Variants in SIPA1L2 observed in about 807,000 individuals in gnomAD.
The protein encoded by SIPA1L2 is signal induced proliferation associated 1 like 2.
Under a neutral mutation model 163.9 loss-of-function variants are expected in SIPA1L2, and 56 were observed. That is an observed-to-expected ratio of 0.34 (90% confidence interval 0.28 to 0.43). The LOEUF (loss-of-function observed/expected upper bound fraction) is 0.43. Among genes scored for constraint, SIPA1L2 ranks in the 20% least tolerant of loss-of-function variants. The pLI is 1.00. For missense variants in SIPA1L2, 1,974 were observed against 2,193.5 expected (o/e 0.90, Z 2.00); for synonymous variants, 877 against 865.7 (o/e 1.01, Z -0.23).
chr1:232,489,551 A>G (rs1430601252), intron 5 of SIPA1L2, among the ~76,000 whole-genome samples: 2 of 151,532 alleles, frequency 1.3e-5, no homozygotes, highest in Non-Finnish European at 2.9e-5. Flanking sequence ...AAGATTATTC[A>G]TTCTGAGTGT....
At chr1:232,629,825 A>T (rs889127215) in intron 1 of SIPA1L2, among the ~76,000 whole-genome samples, 44 bp downstream of exon 1, 4 of 151,580 alleles carry the variant, frequency 2.6e-5, no homozygotes, top group African/African-American at 9.7e-5. Flanking sequence ...AGGCATCCCG[A>T]ACCGACCCTC....
chr1:232,446,141 C>A (rs904246190), intron 10 of SIPA1L2, among the ~76,000 whole-genome samples: 5 of 152,152 alleles, frequency 3.3e-5, no homozygotes, highest in Non-Finnish European at 5.9e-5. Context: ...AGCAGCTGTT[C>A]CAAGACCCCC....
intron 2 of SIPA1L2, among the ~76,000 whole-genome samples, chr1:232,527,616 A>T (rs1006880838): frequency 2.0e-5 from 3 of 151,982 alleles, no homozygotes; most frequent in African/African-American, 7.2e-5. Context: ...AACACTAAAG[A>T]TCTTTACCTG....
Position 232,462,065 on chromosome 1 carries a change from T to C in SIPA1L2, c.2821-904A>G, listed in dbSNP as rs1253084504. The C allele has an allele frequency of 3.9e-6, 3 of 772,610 alleles. No individual in the cohort carries two copies. In the South Asian group the frequency reaches 4.6e-5, roughly 12 times the overall value. The allele number at this position is 772,610 out of a possible 1,614,324, so 47.9% of individuals were successfully genotyped here. ...CCCAAGCAATGGAAGCCTCAGTGTA[T>C]GTACCTTACTCAAGAGTGAGAGAGA... is the stretch of plus-strand genomic sequence containing the variant. On this transcript the variant is annotated intron_variant, in intron 9 of 22. Coordinates refer to ENST00000674635, the MANE Select transcript of SIPA1L2 (RefSeq NM_020808.5).
At chr1:232,523,824 G>C (rs78961128) in intron 2 of SIPA1L2, among the ~76,000 whole-genome samples, 1 of 151,942 alleles carries the variant, frequency 6.6e-6, no homozygotes. Flanking sequence ...TGTGCAAAGC[G>C]TGTCCCATCA....
At chr1:232,527,562 A>T (rs1027235363) in intron 2 of SIPA1L2, among the ~76,000 whole-genome samples, 1 of 152,150 alleles carries the variant, frequency 6.6e-6, no homozygotes, top group Admixed American at 6.5e-5. Flanking sequence ...TTAATTACAG[A>T]TGCCCACTAA....
At position 232,483,249 on chromosome 1, in the gene SIPA1L2, C is replaced by CTTTT. The variant is rs67543177; in HGVS notation, c.1981+539_1981+542dup. 2.1e-5 allele frequency among the ~76,000 whole-genome samples: 3 copies of CTTTT among 144,392 alleles called. No homozygotes were observed. The East Asian group carries it at 6.2e-4, about 30-fold the overall frequency. 94.7% of individuals were successfully genotyped at this position (144,392 alleles called of 152,430 possible). ...ATCCTTGAAAAATAAGATGCATCAG[C>CTTTT]TTTTTTTTTTTTTTAATTTTAGATC... On this transcript the variant is annotated intron_variant, in intron 6 of 22. Coordinates refer to ENST00000674635, the MANE Select transcript of SIPA1L2 (RefSeq NM_020808.5).
At chr1:232,484,249 G>A (rs1665531980) in intron 5 of SIPA1L2, among the ~76,000 whole-genome samples, 1 of 152,038 alleles carries the variant, frequency 6.6e-6, no homozygotes, top group Admixed American at 6.6e-5. Flanking sequence ...AGGATAGGAA[G>A]TCAAGGTTCA....
At chr1:232,529,501 G>T (rs1187440074) in intron 2 of SIPA1L2, among the ~76,000 whole-genome samples, 1 of 152,236 alleles carries the variant, frequency 6.6e-6, no homozygotes, top group Non-Finnish European at 1.5e-5. Flanking sequence ...GCCAGTAAAA[G>T]CTTCCAGGTA....
chr1:232,594,201 C>T (rs1409378832), intron 1 of SIPA1L2, among the ~76,000 whole-genome samples: 1 of 152,142 alleles, frequency 6.6e-6, no homozygotes, highest in African/African-American at 2.4e-5. Flanking sequence ...CTACTGATTC[C>T]ATGGAACTGA....
intron 15 of SIPA1L2, among the ~76,000 whole-genome samples, chr1:232,435,736 GA>G (rs901602339): frequency 1.3e-5 from 2 of 151,972 alleles, no homozygotes; most frequent in African/African-American, 4.8e-5. Context: ...CTCGAAGAAA[GA>G]AAAAAAATGT....
intron 12 of SIPA1L2, among the ~76,000 whole-genome samples, chr1:232,443,175 G>T (rs1663005457): frequency 6.6e-6 from 1 of 152,222 alleles, no homozygotes; most frequent in Non-Finnish European, 1.5e-5. Flanking sequence ...GGCTACTGCG[G>T]ACTGGACTGC....
intron 19 of SIPA1L2, among the ~76,000 whole-genome samples, chr1:232,406,805 C>T: frequency 6.6e-6 from 1 of 152,182 alleles, no homozygotes; most frequent in Non-Finnish European, 1.5e-5. Context: ...CAGATACATG[C>T]CAGATGGAAC....
At chr1:232,443,411 G>A (rs1484766879) in intron 12 of SIPA1L2, among the ~76,000 whole-genome samples, 191 bp downstream of exon 12, 3 of 152,106 alleles carry the variant, frequency 2.0e-5, no homozygotes, top group Admixed American at 1.3e-4. Context: ...TGAGAACATC[G>A]ACAAGTGAGC....
intron 1 of SIPA1L2, among the ~76,000 whole-genome samples, chr1:232,627,771 T>C (rs967311892): frequency 5.3e-5 from 8 of 152,232 alleles, no homozygotes; most frequent in African/African-American, 1.9e-4. Flanking sequence ...TCCACCCCCA[T>C]ACCTGTGATC....
At chr1:232,448,083 A>G in intron 10 of SIPA1L2, among the ~76,000 whole-genome samples, 1 of 152,202 alleles carries the variant, frequency 6.6e-6, no homozygotes, top group East Asian at 1.9e-4. Context: ...GCTCCCTAAA[A>G]GGTCACAGGC....
At chr1:232,428,726 C>A (rs1278585625) in intron 16 of SIPA1L2, among the ~76,000 whole-genome samples, 162 bp from the exon 17 acceptor site, 1 of 152,152 alleles carries the variant, frequency 6.6e-6, no homozygotes, top group Admixed American at 6.5e-5. Context: ...AATTCCCATG[C>A]CATTTCACAT....
At chr1:232,555,194 G>A (rs554443746) in intron 2 of SIPA1L2, among the ~76,000 whole-genome samples, 1 of 152,308 alleles carries the variant, frequency 6.6e-6, no homozygotes, top group African/African-American at 2.4e-5. Flanking sequence ...TTATCTTTCA[G>A]CTGCACTACT....
intron 1 of SIPA1L2, among the ~76,000 whole-genome samples, chr1:232,620,498 A>G (rs1662746096): frequency 6.6e-6 from 1 of 152,220 alleles, no homozygotes; most frequent in South Asian, 2.1e-4. Flanking sequence ...TTCCATGCAC[A>G]TATCCTGTGC....
Sources: gnomAD v4.1 joint callset for allele counts (sites outside exome capture counted in the v4.1 genomes callset) on GRCh38, gnomAD v4.1.1 for gene constraint, MANE v1.5 for transcripts, NCBI Gene and HGNC (gene_info 2026-07-23, HGNC 2026-07-21) for gene names.